EMP1: variants seen among roughly 807,000 people sequenced by gnomAD.
EMP1 encodes epithelial membrane protein 1.
Under a neutral mutation model 15.7 loss-of-function variants are expected in EMP1, and 5 were observed. The ratio of observed to expected loss-of-function variants is 0.32; its 90% CI spans 0.17 to 0.67. EMP1 has a LOEUF of 0.67. Ranked by LOEUF, EMP1 falls within the 30% of genes least tolerant of loss-of-function variation. The pLI is 0.74. For missense variants in EMP1, 166 were observed against 194.2 expected, an observed-to-expected ratio of 0.85 and a Z score of 0.86; for synonymous variants, 78 against 76.7, an observed-to-expected ratio of 1.02 and a Z score of -0.09.
rs1864225955 is a variant in EMP1, at chr12:13,217,568, C to T, written c.*2877C>T. ...TCCACCTCCCCTCATTTAGCTCCCC[C>T]AGGGATTTCTTTTCCCCCATGTCAT... On this transcript the variant is annotated 3_prime_UTR_variant, in exon 5 of 5. Transcript: ENST00000256951. The T allele has an allele frequency of 6.6e-6, 1 of 152,168 alleles. No individual in the cohort carries two copies. Among genetic ancestry groups the T allele is most frequent in the Admixed American group, 6.5e-5 (1 of 15,274 alleles). 9.4% of individuals were successfully genotyped at this position (152,168 alleles called of 1,614,324 possible).
chr12:13,200,944 C>T (rs909746147), intron 1 of EMP1, among the ~76,000 whole-genome samples: 2 of 152,172 alleles, frequency 1.3e-5, no homozygotes, highest in African/African-American at 4.8e-5. Flanking sequence ...AACTAGAGAG[C>T]CCTTTCAGCA....
chr12:13,213,665 C>T lies in EMP1; in HGVS notation c.176-16C>T, dbSNP rs2277395. 0.19 allele frequency: 299,618 copies of T among 1,613,688 alleles called. 29,806 individuals are homozygous for T. Among genetic ancestry groups the T allele is most frequent in the Non-Finnish European group, 0.21 (242,921 of 1,179,640 alleles). On this transcript the variant is annotated splice_polypyrimidine_tract_variant and intron_variant, in intron 3 of 4. Coordinates refer to ENST00000256951, the MANE Select transcript of EMP1 (RefSeq NM_001423.3). ...AGTGACCTCATGCCCTTGTTCTCCT[C>T]GTCCTGTGTCTACAGATGCCCTCAA...
intron 1 of EMP1, among the ~76,000 whole-genome samples, chr12:13,203,262 C>T (rs1341374860): frequency 6.6e-6 from 1 of 152,230 alleles, no homozygotes; most frequent in African/African-American, 2.4e-5. Context: ...CCCTTGAAGA[C>T]ATTCTGGCTG....
intron 2 of EMP1, among the ~76,000 whole-genome samples, chr12:13,212,512 AC>A (rs879437819): frequency 3.9e-5 from 6 of 152,146 alleles, no homozygotes; most frequent in Non-Finnish European, 7.4e-5. Context: ...TGATAAGACA[AC>A]CCCCGCCCAC....
intron 2 of EMP1, 69 bp from the exon 3 acceptor site, chr12:13,213,410 G>A (rs1189327570): frequency 3.6e-6 from 5 of 1,408,440 alleles, no homozygotes; most frequent in Non-Finnish European, 5.0e-6. Flanking sequence ...GATGCAAGCT[G>A]ATTTGTTATT....
At chr12:13,197,504 G>A (rs1252006509) in intron 1 of EMP1, among the ~76,000 whole-genome samples, 2 of 152,118 alleles carry the variant, frequency 1.3e-5, no homozygotes, top group Non-Finnish European at 2.9e-5. Flanking sequence ...GGCCGGGCAC[G>A]GTGGCTCATG....
rs7963748 is a variant in EMP1 at position 13,211,225 on chromosome 12, A to G, written c.-42-244A>G. ...GAAATAGAATGTATTAGAGAAATGA[A>G]TATGTAAATACCCAAGAAGAAACCA... On this transcript the variant is annotated intron_variant, in intron 1 of 4. Transcript: ENST00000256951. This position sits in a 1 kb window ranked among gnomAD's most constrained non-coding sequence, Gnocchi z 4.7. 0.75 allele frequency among the ~76,000 whole-genome samples: 114,315 copies of G among 152,194 alleles called. 43,063 individuals carry two copies. The highest frequency in any genetic ancestry group is 0.83 in the East Asian group (4,331 of 5,188).
intron 1 of EMP1, chr12:13,199,503 A>T (rs925506442): frequency 6.6e-6 from 1 of 152,276 alleles, no homozygotes; most frequent in African/African-American, 2.4e-5. Flanking sequence ...GGGGCACATA[A>T]CTGAAACGTG....
intron 1 of EMP1, among the ~76,000 whole-genome samples, chr12:13,210,172 C>T (rs1222881482): frequency 2.0e-5 from 3 of 152,214 alleles, no homozygotes; most frequent in Admixed American, 2.0e-4. Context: ...CTAATAAATA[C>T]CTGATGTGGC....
chr12:13,204,898 G>C (rs1864098166), intron 1 of EMP1, among the ~76,000 whole-genome samples: 1 of 152,188 alleles, frequency 6.6e-6, no homozygotes, highest in East Asian at 1.9e-4. Flanking sequence ...TAAGGTGAAG[G>C]CCTCTGGTGA....
chr12:13,198,508 A>G (rs539966066), intron 1 of EMP1, among the ~76,000 whole-genome samples: 2 of 152,368 alleles, frequency 1.3e-5, no homozygotes, highest in African/African-American at 2.4e-5. Context: ...GGGACGATTG[A>G]GTAGGCATCA....
intron 1 of EMP1, among the ~76,000 whole-genome samples, chr12:13,197,536 G>C (rs1028322660): frequency 3.3e-5 from 5 of 152,146 alleles, no homozygotes; most frequent in African/African-American, 1.2e-4. Flanking sequence ...AGCACTTTGG[G>C]AGGCTGAGGC....
At chr12:13,197,935 G>T (rs1864029159) in intron 1 of EMP1, among the ~76,000 whole-genome samples, 2 of 152,196 alleles carry the variant, frequency 1.3e-5, no homozygotes, top group Non-Finnish European at 2.9e-5. Flanking sequence ...GGCCAGATGT[G>T]GAGGGCGGGG....
Position 13,215,050 on chromosome 12 carries a change from T to C in EMP1, c.*359T>C, listed in dbSNP as rs965197482. 4.2e-6 allele frequency: 1 copy of C among 240,058 alleles called. No homozygotes were observed. The highest frequency in any genetic ancestry group is 8.3e-6 in the Non-Finnish European group (1 of 119,974). 14.9% of individuals were successfully genotyped at this position (240,058 alleles called of 1,614,324 possible). ...CATGCACTGAGGTCCACAGACCTAC[T>C]GCACTGAGTTAAAATAGCGGTACAA... is the stretch of plus-strand genomic sequence containing the variant. On this transcript the variant is annotated 3_prime_UTR_variant, in exon 5 of 5. Transcript: ENST00000256951.
chr12:13,213,707 A>G lies in EMP1; in HGVS notation c.202A>G (p.Met68Val), dbSNP rs761164918. The G allele has an allele frequency of 8.7e-6, 14 of 1,614,186 alleles. No individual in the cohort carries two copies. The highest frequency in any genetic ancestry group is 1.7e-5 in the Admixed American group (1 of 60,028). ...TGCCCTCAAGACAGTGCAGGCCTTCATGATTCTCTCTATCATCTTCTGTGT... is the reference window on the plus strand; with the variant it reads ...TGCCCTCAAGACAGTGCAGGCCTTCGTGATTCTCTCTATCATCTTCTGTGT... Reference protein sequence around the residue: ...EDALKTVQAFMILSIIFCVIA... With the variant: ...EDALKTVQAFVILSIIFCVIA... The change falls in exon 4 of 5, where the codon ATG becomes GTG. Residue 68 changes from methionine to valine, a missense_variant. Coordinates refer to ENST00000256951, the MANE Select transcript of EMP1 (RefSeq NM_001423.3).
rs1006433225 is a variant in EMP1 at position 13,211,839 on chromosome 12, G to A, written c.78+251G>A. The A allele has an allele frequency of 8.1e-6, 4 of 493,196 alleles. No homozygotes were observed. Among genetic ancestry groups the A allele is most frequent in the African/African-American group, 3.9e-5 (2 of 51,108 alleles). 30.6% of individuals were successfully genotyped at this position (493,196 alleles called of 1,614,324 possible). ...CTGGAGGATCTAGTGCAGCTTCTTCGGTCTCTAGAAGAGCCTTCCCAGCAG... is the reference window on the plus strand; with the variant it reads ...CTGGAGGATCTAGTGCAGCTTCTTCAGTCTCTAGAAGAGCCTTCCCAGCAG... On this transcript the variant is annotated intron_variant, in intron 2 of 4. Transcript: ENST00000256951. This position sits in a 1 kb window ranked among gnomAD's most constrained non-coding sequence, Gnocchi z 4.7.
chr12:13,213,608 A>G, intron 3 of EMP1, 33 bp downstream of exon 3: 3 of 1,614,136 alleles, frequency 1.9e-6, no homozygotes, highest in Non-Finnish European at 2.5e-6. Flanking sequence ...AGTGCTGACA[A>G]TAGGTGTGGT....
Position 13,211,239 on chromosome 12 carries a change from A to G in EMP1, c.-42-230A>G, listed in dbSNP as rs943472078. On this transcript the variant is annotated intron_variant, in intron 1 of 4. Coordinates refer to ENST00000256951, the MANE Select transcript of EMP1 (RefSeq NM_001423.3). This position sits in a 1 kb window ranked among gnomAD's most constrained non-coding sequence, Gnocchi z 4.7. ...TAGAGAAATGAATATGTAAATACCC[A>G]AGAAGAAACCAAATTCTGTTTCCAT... Among the ~76,000 whole-genome samples the G allele has an allele frequency of 1.3e-5, 2 of 152,250 alleles. No individual in the cohort carries two copies. The highest frequency in any genetic ancestry group is 1.3e-4 in the Admixed American group (2 of 15,286).
At chr12:13,207,343 AG>A (rs1252246878) in intron 1 of EMP1, among the ~76,000 whole-genome samples, 3 of 152,124 alleles carry the variant, frequency 2.0e-5, no homozygotes, top group Admixed American at 6.5e-5. Context: ...GAACTCCCTC[AG>A]GGTTATTTCT....
Sources: gnomAD v4.1 joint callset for allele counts (sites outside exome capture counted in the v4.1 genomes callset) on GRCh38, gnomAD v4.1.1 for gene constraint, Gnocchi (gnomAD v3.1) non-coding constraint, MANE v1.5 for transcripts, NCBI Gene and HGNC (gene_info 2026-07-23, HGNC 2026-07-21) for gene names.